Variants in UNC13B observed in about 807,000 individuals in gnomAD.
The protein encoded by UNC13B is protein unc-13 homolog B.
In UNC13B, 144 loss-of-function variants were observed where a neutral mutation model predicts 211.0. That is an observed-to-expected ratio of 0.68 (90% CI 0.60 to 0.78). UNC13B has a LOEUF of 0.78. Ranked by LOEUF, UNC13B falls within the 30% of genes least tolerant of loss-of-function variation. UNC13B has a pLI of 0.00. For missense variants in UNC13B, 1,777 were observed against 2,002.0 expected, an observed-to-expected ratio of 0.89 and a Z score of 2.14; for synonymous variants, 709 against 725.8, an observed-to-expected ratio of 0.98 and a Z score of 0.37.
chr9:35,347,614 C>T (rs1832445640), intron 11 of UNC13B, among the ~76,000 whole-genome samples: 1 of 152,168 alleles, frequency 6.6e-6, no homozygotes, highest in South Asian at 2.1e-4. Flanking sequence ...TCCTATATCA[C>T]CAGAAGAGAT....
At chr9:35,389,353 C>A (rs983090560) in intron 24 of UNC13B, among the ~76,000 whole-genome samples, 1 of 152,124 alleles carries the variant, frequency 6.6e-6, no homozygotes, top group Non-Finnish European at 1.5e-5. Flanking sequence ...GGCTGAAATG[C>A]GCACCAGATC....
intron 23 of UNC13B, 137 bp from the exon 24 acceptor site, chr9:35,386,028 G>A (rs1320122936): frequency 4.8e-6 from 7 of 1,463,104 alleles, no homozygotes; most frequent in Non-Finnish European, 6.4e-6. Context: ...AACTATCCTG[G>A]CAATTTCATC....
chr9:35,241,195 T>G (rs1825788367), intron 5 of UNC13B, among the ~76,000 whole-genome samples: 1 of 152,148 alleles, frequency 6.6e-6, no homozygotes, highest in Non-Finnish European at 1.5e-5. Flanking sequence ...CCAACTATTA[T>G]TCCCCACTTT....
chr9:35,378,254 CT>C, intron 16 of UNC13B, 40 bp from the exon 17 acceptor site: 1 of 1,612,338 alleles, frequency 6.2e-7, no homozygotes, highest in East Asian at 2.2e-5. Context: ...TGGGGGGCTT[CT>C]GAACGACTCT....
intron 11 of UNC13B, among the ~76,000 whole-genome samples, chr9:35,336,677 A>G (rs749417382): frequency 6.6e-6 from 1 of 152,038 alleles, no homozygotes; most frequent in Non-Finnish European, 1.5e-5. Flanking sequence ...GGCCTCTTTT[A>G]TAAAGGCACT....
intron 7 of UNC13B, among the ~76,000 whole-genome samples, chr9:35,275,014 TTG>T (rs1354871011): frequency 5.9e-5 from 9 of 152,234 alleles, no homozygotes; most frequent in Non-Finnish European, 5.9e-5. Flanking sequence ...GTAGAATGTA[TTG>T]GTTTTCTTGT....
chr9:35,399,618 CT>C, intron 35 of UNC13B, 30 bp from the exon 36 acceptor site: 1 of 1,612,766 alleles, frequency 6.2e-7, no homozygotes, highest in South Asian at 1.1e-5. Context: ...CTGCTGTGAG[CT>C]GTCCTGATGC....
At chr9:35,299,640 CA>C (rs1415780633) in intron 8 of UNC13B, among the ~76,000 whole-genome samples, 1 of 152,126 alleles carries the variant, frequency 6.6e-6, no homozygotes, top group Non-Finnish European at 1.5e-5. Flanking sequence ...TTCTTTTTCT[CA>C]TATGGAATAA....
chr9:35,203,906 A>C (rs1225561416), intron 1 of UNC13B, among the ~76,000 whole-genome samples: 1 of 152,260 alleles, frequency 6.6e-6, no homozygotes, highest in Non-Finnish European at 1.5e-5. Context: ...CTAATTTTTC[A>C]AGACAACGAG....
At chr9:35,375,892 A>G (rs1834368142) in intron 14 of UNC13B, 136 bp from the exon 15 acceptor site, 14 of 800,136 alleles carry the variant, frequency 1.7e-5, no homozygotes, top group Non-Finnish European at 2.6e-5. Flanking sequence ...AGGCAGGAGA[A>G]TTGCTTGAAC....
chr9:35,382,764 A>G (rs914066875), intron 21 of UNC13B, among the ~76,000 whole-genome samples: 2 of 151,916 alleles, frequency 1.3e-5, no homozygotes, highest in African/African-American at 2.4e-5. Context: ...GGGTTTTGCC[A>G]TGTTGGCCAG....
intron 1 of UNC13B, among the ~76,000 whole-genome samples, chr9:35,207,515 G>T (rs867323214): frequency 1.8e-4 from 5 of 27,626 alleles, no homozygotes; most frequent in African/African-American, 2.5e-4. Flanking sequence ...TATTTATTTA[G>T]TAGAGATGGG....
At chr9:35,390,898 G>A (rs1835490838) in intron 26 of UNC13B, among the ~76,000 whole-genome samples, 184 bp downstream of exon 26, 1 of 152,200 alleles carries the variant, frequency 6.6e-6, no homozygotes. Flanking sequence ...TGCAGCCAAA[G>A]GACATATGAA....
Position 35,307,663 on chromosome 9 carries a change from C to A in UNC13B, c.8259C>A (p.Pro2753=). The A allele has an allele frequency of 2.5e-6, 1 of 398,982 alleles. No individual in the cohort carries two copies. The highest frequency in any genetic ancestry group is 4.4e-6 in the Non-Finnish European group (1 of 226,098). The allele number at this position is 398,982 out of a possible 1,614,324, so 24.7% of individuals were successfully genotyped here. A position where few individuals can be genotyped will look rare whatever the true frequency, so the allele number is the denominator to read the frequency against. Residue 2753 remains proline, a synonymous_variant, in exon 9 of 40, where the codon CCC becomes CCA. Transcript: ENST00000635942. ...IHAQKDPPVV[P]QETEQSRPRF... ...CCCAGAAAGATCCACCTGTAGTACC[C>A]CAGGAAACAGAGCAGTCAAGACCAC...
chr9:35,400,204 C>T (rs1355218337), intron 36 of UNC13B, 92 bp from the exon 37 acceptor site: 3 of 1,540,064 alleles, frequency 1.9e-6, no homozygotes, highest in Admixed American at 3.7e-5. Context: ...AGCCTATTCT[C>T]ACAGTCCTCT....
chr9:35,237,018 C>T (rs959650056), intron 4 of UNC13B, among the ~76,000 whole-genome samples: 1 of 152,082 alleles, frequency 6.6e-6, no homozygotes, highest in Non-Finnish European at 1.5e-5. Context: ...GTTTTCAGTG[C>T]CCTTCTTCTG....
At chr9:35,297,541 C>CT in intron 8 of UNC13B, among the ~76,000 whole-genome samples, 1 of 119,754 alleles carries the variant, frequency 8.4e-6, no homozygotes, top group South Asian at 2.5e-4. Flanking sequence ...GAAGCACATA[C>CT]TTTGTCTTTT....
At chr9:35,297,237 C>T (rs1027334733) in intron 8 of UNC13B, among the ~76,000 whole-genome samples, 8 of 151,856 alleles carry the variant, frequency 5.3e-5, no homozygotes, top group Middle Eastern at 3.4e-3. Flanking sequence ...TACAGGTGCA[C>T]GCCACCATGC....
intron 6 of UNC13B, among the ~76,000 whole-genome samples, chr9:35,250,354 C>A (rs1826388395): frequency 6.6e-6 from 1 of 152,132 alleles, no homozygotes; most frequent in East Asian, 1.9e-4. Context: ...CAGCCCTATA[C>A]AACCACTAAT....
Sources: gnomAD v4.1 joint callset for allele counts (sites outside exome capture counted in the v4.1 genomes callset) on GRCh38, gnomAD v4.1.1 for gene constraint, MANE v1.5 for transcripts, NCBI Gene and HGNC (gene_info 2026-07-23, HGNC 2026-07-21) for gene names.